Variants in SMYD3 observed in about 807,000 individuals in gnomAD.
SMYD3 encodes SET and MYND domain containing 3, also known as histone-lysine N-methyltransferase SMYD3.
A neutral mutation model predicts 57.7 loss-of-function variants in SMYD3; 36 were observed. The ratio of observed to expected loss-of-function variants is 0.62; its 90% CI spans 0.48 to 0.82. SMYD3 has a LOEUF of 0.82. Ranked by LOEUF, SMYD3 falls within the 40% of genes least tolerant of loss-of-function variation. SMYD3 has a pLI of 0.00. For synonymous variants in SMYD3, 211 were observed against 195.0 expected (o/e 1.08, Z -0.68); for missense variants, 515 against 538.8 (o/e 0.96, Z 0.44).
chr1:246,361,230 T>A (rs1292622266), intron 1 of SMYD3, among the ~76,000 whole-genome samples: 1 of 151,888 alleles, frequency 6.6e-6, no homozygotes, highest in Non-Finnish European at 1.5e-5. Context: ...GAAATGCAAA[T>A]CAAAACCACA....
intron 5 of SMYD3, among the ~76,000 whole-genome samples, chr1:246,075,015 A>C (rs1208488767): frequency 1.3e-5 from 2 of 152,120 alleles, no homozygotes; most frequent in Non-Finnish European, 2.9e-5. Flanking sequence ...AATAAAACCC[A>C]AAATTACTAG....
intron 5 of SMYD3, among the ~76,000 whole-genome samples, chr1:246,311,535 A>T (rs1388623761): frequency 6.6e-6 from 1 of 152,256 alleles, no homozygotes; most frequent in East Asian, 1.9e-4. Context: ...AATGATTATT[A>T]TTCAAAGCTA....
At chr1:246,156,896 A>G (rs2062030747) in intron 5 of SMYD3, among the ~76,000 whole-genome samples, 1 of 152,210 alleles carries the variant, frequency 6.6e-6, no homozygotes, top group Non-Finnish European at 1.5e-5. Context: ...TGAATCATGG[A>G]GGTGGGTGAC....
chr1:246,018,036 A>G (rs2059406465), intron 5 of SMYD3, among the ~76,000 whole-genome samples: 1 of 152,150 alleles, frequency 6.6e-6, no homozygotes, highest in Non-Finnish European at 1.5e-5. Context: ...TCTTCCAAAG[A>G]GCACCTTTAA....
intron 10 of SMYD3, among the ~76,000 whole-genome samples, chr1:245,773,919 A>G (rs9651299): frequency 0.19 from 29,237 of 152,098 alleles, 3,225 homozygotes; most frequent in East Asian, 0.49. Flanking sequence ...TTAACAGCAG[A>G]AAGTTTAAAA....
At chr1:246,067,611 C>G (rs985646829) in intron 5 of SMYD3, among the ~76,000 whole-genome samples, 3 of 152,110 alleles carry the variant, frequency 2.0e-5, no homozygotes, top group South Asian at 2.1e-4. Context: ...AATGCCCCCC[C>G]ACAGCCCACA....
chr1:246,441,284 T>G (rs2067458978), intron 1 of SMYD3, among the ~76,000 whole-genome samples: 1 of 152,202 alleles, frequency 6.6e-6, no homozygotes, highest in South Asian at 2.1e-4. Flanking sequence ...ATGTCTTTGT[T>G]TCAAGGTCAT....
intron 1 of SMYD3, among the ~76,000 whole-genome samples, chr1:246,448,571 A>C (rs2067581550): frequency 6.6e-6 from 1 of 152,060 alleles, no homozygotes; most frequent in African/African-American, 2.4e-5. Context: ...TACAATAACC[A>C]GTCTAGGAAG....
At chr1:245,949,625 A>G (rs1044500295) in intron 5 of SMYD3, among the ~76,000 whole-genome samples, 1 of 152,182 alleles carries the variant, frequency 6.6e-6, no homozygotes, top group African/African-American at 2.4e-5. Context: ...CCTGGCCAAC[A>G]TGGTGAAACC....
At chr1:245,984,867 G>A (rs182835726) in intron 5 of SMYD3, among the ~76,000 whole-genome samples, 2 of 152,150 alleles carry the variant, frequency 1.3e-5, no homozygotes, top group Admixed American at 6.5e-5. Context: ...ACACATGTAG[G>A]TTCTTAAGAG....
chr1:245,911,953 C>T (rs1271742551), intron 8 of SMYD3, among the ~76,000 whole-genome samples: 1 of 152,088 alleles, frequency 6.6e-6, no homozygotes, highest in Non-Finnish European at 1.5e-5. Flanking sequence ...GATCATTACA[C>T]ATTGTATGCT....
rs1008682193 is a variant in SMYD3 at position 246,461,464 on chromosome 1, T to A, written c.164+45590A>T. On this transcript the variant is annotated intron_variant, in intron 1 of 11. Coordinates refer to ENST00000490107, the MANE Select transcript of SMYD3 (RefSeq NM_001167740.2). ...AATTTTAGTGCCAAAAATAATCACA[T>A]CATAAACATGTTTCTATAGAAAAAT... Among the ~76,000 whole-genome samples, 18 of 152,244 alleles carry A rather than the reference T, an allele frequency of 1.2e-4. No homozygotes were observed. The South Asian group carries it at 3.1e-3, about 26-fold the overall frequency.
intron 5 of SMYD3, among the ~76,000 whole-genome samples, chr1:246,103,287 ACT>A (rs1469710249): frequency 3.9e-5 from 6 of 152,026 alleles, no homozygotes; most frequent in African/African-American, 1.4e-4. Context: ...TATTTCTTAT[ACT>A]CTCATTCCTG....
chr1:246,373,606 A>G (rs1200536454), intron 1 of SMYD3, among the ~76,000 whole-genome samples: 1 of 152,138 alleles, frequency 6.6e-6, no homozygotes, highest in Non-Finnish European at 1.5e-5. Flanking sequence ...CTTCCACAAT[A>G]TAAAAAGCAA....
At chr1:246,258,392 C>T (rs2063937552) in intron 5 of SMYD3, among the ~76,000 whole-genome samples, 1 of 152,168 alleles carries the variant, frequency 6.6e-6, no homozygotes. Flanking sequence ...CTTTAAGGAA[C>T]TCTTGTGAGG....
chr1:246,105,911 A>C (rs761486846), intron 5 of SMYD3, among the ~76,000 whole-genome samples: 2 of 152,188 alleles, frequency 1.3e-5, no homozygotes, highest in African/African-American at 2.4e-5. Flanking sequence ...CTGCCTCCTT[A>C]TCGAAACTTT....
chr1:246,180,092 G>C (rs1475880254), intron 5 of SMYD3, among the ~76,000 whole-genome samples: 2 of 150,998 alleles, frequency 1.3e-5, no homozygotes, highest in Admixed American at 6.6e-5. Flanking sequence ...AGGATCACTT[G>C]AGCCACAGAG....
At chr1:246,002,902 T>C (rs4654184) in intron 5 of SMYD3, among the ~76,000 whole-genome samples, 1 of 151,892 alleles carries the variant, frequency 6.6e-6, no homozygotes, top group Non-Finnish European at 1.5e-5. Context: ...GGCCTGAGCC[T>C]CCGCGCCCGG....
At chr1:246,386,892 TA>T (rs10714128) in intron 1 of SMYD3, among the ~76,000 whole-genome samples, 41,544 of 147,584 alleles carry the variant, frequency 0.28, 6,079 homozygotes, top group Non-Finnish European at 0.34. Context: ...CTTTCTGATA[TA>T]AAAAAAAAAA....
Sources: allele counts gnomAD v4.1 joint callset (sites outside exome capture counted in the v4.1 genomes callset), GRCh38; gene constraint gnomAD v4.1.1; transcripts MANE v1.5; gene names NCBI Gene and HGNC (gene_info 2026-07-23, HGNC 2026-07-21).